Variants in DYRK1A observed in about 807,000 individuals in gnomAD.
DYRK1A encodes dual specificity tyrosine-phosphorylation-regulated kinase 1A.
DYRK1A carries 9 observed loss-of-function variants against 79.7 expected under a neutral mutation model. The observed-to-expected ratio is 0.11, with a 90% CI of 0.07 to 0.20. The LOEUF is 0.20. Among genes scored for constraint, DYRK1A ranks in the 10% least tolerant of loss-of-function variants. DYRK1A has a pLI of 1.00. For synonymous variants in DYRK1A, 349 were observed against 329.7 expected (o/e 1.06, Z -0.63); for missense variants, 622 against 956.0 (o/e 0.65, Z 4.61).
At chr21:37,507,531 T>G (rs1466110371) in intron 11 of DYRK1A, among the ~76,000 whole-genome samples, 1 of 152,134 alleles carries the variant, frequency 6.6e-6, no homozygotes, top group Non-Finnish European at 1.5e-5. Flanking sequence ...GCGGTGACCT[T>G]TATTCATGGG....
chr21:37,459,071 C>T lies in DYRK1A; in HGVS notation c.11-13613C>T, dbSNP rs151284622. On this transcript the variant is annotated intron_variant, in intron 2 of 11. Transcript: ENST00000647188. ...TGCTAAGCCATAAATAAGGATATAC[C>T]GTCTGACAACTACTATAATAGTATG... 3.9e-3 allele frequency among the ~76,000 whole-genome samples: 593 copies of T among 152,270 alleles called. 3 individuals carry two copies. Among genetic ancestry groups the T allele is most frequent in the Non-Finnish European group, 5.5e-3 (371 of 68,026 alleles).
chr21:37,465,291 A>G (rs2051987652), intron 2 of DYRK1A, among the ~76,000 whole-genome samples: 1 of 152,198 alleles, frequency 6.6e-6, no homozygotes, highest in Admixed American at 6.5e-5. Flanking sequence ...AAAGAACATC[A>G]GATTCTTTGT....
intron 2 of DYRK1A, 120 bp downstream of exon 2, chr21:37,420,504 T>A: frequency 1.0e-6 from 1 of 998,132 alleles, no homozygotes; most frequent in Non-Finnish European, 1.5e-6. Flanking sequence ...TGTAGATCAG[T>A]AAATGCAAAG....
At chr21:37,451,317 T>A (rs1839321859) in intron 2 of DYRK1A, among the ~76,000 whole-genome samples, 3 of 152,024 alleles carry the variant, frequency 2.0e-5, no homozygotes, top group Admixed American at 2.0e-4. Context: ...GTCCTAGGCC[T>A]TTGCATTCAT....
intron 5 of DYRK1A, chr21:37,486,013 C>A (rs2052850485): frequency 6.6e-6 from 1 of 151,940 alleles, no homozygotes; most frequent in Non-Finnish European, 1.5e-5. Flanking sequence ...TTATCTGAAG[C>A]CTTCTGCTGA....
At chr21:37,416,428 T>G (rs2050342739) in intron 1 of DYRK1A, among the ~76,000 whole-genome samples, 1 of 150,954 alleles carries the variant, frequency 6.6e-6, no homozygotes, top group Non-Finnish European at 1.5e-5. Flanking sequence ...ATATAACTGC[T>G]TTTTCTCTGT....
Position 37,480,627 on chromosome 21 carries a change from T to A in DYRK1A, c.301-11T>A, listed in dbSNP as rs2052604456. 5 of 1,565,050 alleles carry A rather than the reference T, an allele frequency of 3.2e-6. No homozygotes were observed. The South Asian group carries it at 4.8e-5, about 15-fold the overall frequency. On this transcript the variant is annotated splice_polypyrimidine_tract_variant and intron_variant, in intron 4 of 11. Coordinates refer to ENST00000647188, the MANE Select transcript of DYRK1A (RefSeq NM_001347721.2). Reference sequence around the variant, plus strand: ...AAATTTTACAGTTAACACTATGTATTCTCATTTCAGGTTTACTATGCAAAA... The same window carrying A: ...AAATTTTACAGTTAACACTATGTATACTCATTTCAGGTTTACTATGCAAAA...
At chr21:37,487,556 C>G (rs987731259) in intron 6 of DYRK1A, 10 of 152,132 alleles carry the variant, frequency 6.6e-5, no homozygotes, top group African/African-American at 2.4e-4. Flanking sequence ...AAGATCAGCA[C>G]AGAGCCATAG....
chr21:37,486,318 T>C, intron 5 of DYRK1A, 149 bp from the exon 6 acceptor site: 1 of 475,148 alleles, frequency 2.1e-6, no homozygotes, highest in South Asian at 7.1e-5. Flanking sequence ...TAGAAATAGA[T>C]GGCATCTCTT....
At chr21:37,380,108 CATTTT>C (rs1371854638) in intron 1 of DYRK1A, among the ~76,000 whole-genome samples, 1 of 152,096 alleles carries the variant, frequency 6.6e-6, no homozygotes, top group Non-Finnish European at 1.5e-5. Context: ...ATTTTTGTTT[CATTTT>C]AGAGTCCTTT....
intron 2 of DYRK1A, among the ~76,000 whole-genome samples, chr21:37,420,818 A>C (rs1278445333): frequency 1.3e-5 from 2 of 152,080 alleles, no homozygotes; most frequent in Admixed American, 1.3e-4. Flanking sequence ...CGGTTTCTTA[A>C]AAAGATATGC....
At chr21:37,396,882 G>A (rs1176589718) in intron 1 of DYRK1A, among the ~76,000 whole-genome samples, 1 of 152,130 alleles carries the variant, frequency 6.6e-6, no homozygotes, top group Admixed American at 6.5e-5. Context: ...GCAATTTGAT[G>A]GCTCTAAGAG....
At chr21:37,402,930 A>T (rs139061363) in intron 1 of DYRK1A, among the ~76,000 whole-genome samples, 1 of 151,820 alleles carries the variant, frequency 6.6e-6, no homozygotes, top group South Asian at 2.1e-4. Flanking sequence ...TGCCTGCCTA[A>T]TTTTTGTATT....
At chr21:37,459,819 T>C (rs2051779462) in intron 2 of DYRK1A, among the ~76,000 whole-genome samples, 1 of 152,154 alleles carries the variant, frequency 6.6e-6, no homozygotes. Context: ...GTCCAGTGAG[T>C]CATCTAAAAT....
At chr21:37,426,861 A>C (rs1319878007) in intron 2 of DYRK1A, among the ~76,000 whole-genome samples, 1 of 146,844 alleles carries the variant, frequency 6.8e-6, no homozygotes, top group Non-Finnish European at 1.5e-5. Flanking sequence ...CGGAGCTTGC[A>C]GTGAGCCGAG....
chr21:37,371,338 T>C (rs1000844339), intron 1 of DYRK1A, among the ~76,000 whole-genome samples: 1 of 152,222 alleles, frequency 6.6e-6, no homozygotes, highest in African/African-American at 2.4e-5. Context: ...TTGATTATTA[T>C]TTTTTTATAT....
chr21:37,457,201 G>T (rs1374115755), intron 2 of DYRK1A, among the ~76,000 whole-genome samples: 3 of 151,898 alleles, frequency 2.0e-5, no homozygotes, highest in Non-Finnish European at 4.4e-5. Context: ...GAGTAGCTGG[G>T]ACTACAAATG....
chr21:37,429,181 T>C (rs1602477705), intron 2 of DYRK1A, among the ~76,000 whole-genome samples: 2 of 152,358 alleles, frequency 1.3e-5, no homozygotes, highest in African/African-American at 4.8e-5. Flanking sequence ...TAAATATTTA[T>C]GTTGTTAACG....
At chr21:37,454,876 C>G (rs1477462592) in intron 2 of DYRK1A, among the ~76,000 whole-genome samples, 2 of 152,122 alleles carry the variant, frequency 1.3e-5, no homozygotes, top group Non-Finnish European at 2.9e-5. Context: ...GGCACCTTAT[C>G]CAGACAGATT....
Sources: gnomAD v4.1 joint callset for allele counts (sites outside exome capture counted in the v4.1 genomes callset) on GRCh38, gnomAD v4.1.1 for gene constraint, MANE v1.5 for transcripts, NCBI Gene and HGNC (gene_info 2026-07-23, HGNC 2026-07-21) for gene names.